The following ABCC3 variants were observed in gnomAD, a reference collection of about 807,000 sequenced individuals.
ABCC3 encodes ATP binding cassette subfamily C member 3.
ABCC3 carries 121 observed loss-of-function variants against 165.3 expected under a neutral mutation model. The ratio of observed to expected loss-of-function variants is 0.73; its 90% CI spans 0.63 to 0.85. ABCC3 has a LOEUF of 0.85. Ranked by LOEUF, ABCC3 falls within the 40% of genes least tolerant of loss-of-function variation. The pLI, the probability that ABCC3 is intolerant of heterozygous loss-of-function variation, is 0.00. For synonymous variants in ABCC3, 733 were observed against 810.1 expected, an observed-to-expected ratio of 0.90 and a Z score of 1.62; for missense variants, 1,869 against 1,964.1, an observed-to-expected ratio of 0.95 and a Z score of 0.92.
At chr17:50,666,341 C>T (rs1291759917) in intron 11 of ABCC3, among the ~76,000 whole-genome samples, 1 of 152,140 alleles carries the variant, frequency 6.6e-6, no homozygotes, top group African/African-American at 2.4e-5. Context: ...CATGGTGGCA[C>T]ATGCCTGTAA....
intron 1 of ABCC3, among the ~76,000 whole-genome samples, chr17:50,644,716 C>CCAAAA (rs1966965401): frequency 7.3e-6 from 1 of 137,818 alleles, no homozygotes; most frequent in Non-Finnish European, 1.6e-5. Context: ...CGTCTCAAAA[C>CCAAAA]CAAAACAAAA....
chr17:50,635,290 G>A, intron 1 of ABCC3: 5 of 622,460 alleles, frequency 8.0e-6, no homozygotes, highest in Non-Finnish European at 1.5e-5. Flanking sequence ...GGGTGAGTCG[G>A]CTCCATCCCA....
chr17:50,662,444 C>T (rs1375487086), intron 8 of ABCC3, among the ~76,000 whole-genome samples: 2 of 151,806 alleles, frequency 1.3e-5, no homozygotes, highest in African/African-American at 4.8e-5. Flanking sequence ...TGAGACCAGC[C>T]TGAGCAACAT....
At chr17:50,675,534 T>G in intron 20 of ABCC3, 58 bp downstream of exon 20, 1 of 1,585,046 alleles carries the variant, frequency 6.3e-7, no homozygotes, top group South Asian at 1.1e-5. Flanking sequence ...CCCCAGGCCC[T>G]GCCAGATGGG....
In ABCC3 at chr17:50,668,846, C is replaced by T. The variant is rs778039074; in HGVS notation, c.1871-7C>T. On this transcript the variant is annotated splice_region_variant and splice_polypyrimidine_tract_variant and intron_variant, in intron 14 of 30. Coordinates refer to ENST00000285238, the MANE Select transcript of ABCC3 (RefSeq NM_003786.4). ...CTCCCTGACCCTGCCCACCTTGGTC[C>T]TCTCAGGCTATGCCATCACCATACA... is the stretch of plus-strand genomic sequence containing the variant. The T allele has an allele frequency of 1.2e-6, 2 of 1,613,714 alleles. No individual in the cohort carries two copies. The highest frequency in any genetic ancestry group is 1.7e-6 in the Non-Finnish European group (2 of 1,179,808).
At chr17:50,673,905 T>TTTCC (rs1967707274) in intron 19 of ABCC3, among the ~76,000 whole-genome samples, 1 of 10,230 alleles carries the variant, frequency 9.8e-5, no homozygotes, top group Non-Finnish European at 1.8e-4. Flanking sequence ...GCCTGTTTTC[T>TTTCC]TTCTTTCTTT....
Position 50,669,406 on chromosome 17 carries a change from G to A in ABCC3, c.2119G>A (p.Glu707Lys), listed in dbSNP as rs531898935. The A allele has an allele frequency of 1.9e-5, 31 of 1,614,252 alleles. No homozygotes were observed. The South Asian group carries it at 3.3e-4, about 17-fold the overall frequency. ...ATGGATCCAGAACTGCACTCTTCAG[G>A]AAAACGTGCTTTTCGGCAAAGCCCT... ...QAWIQNCTLQ[E>K]NVLFGKALNP... The change falls in exon 17 of 31, where the codon GAA (glutamate) becomes AAA (lysine). Residue 707 changes from glutamate (E) to lysine (K), a missense_variant. By Grantham distance (56) the Glu-to-Lys change is moderately conservative (BLOSUM62 1). Transcript: ENST00000285238.
At chr17:50,655,332 G>T (rs1335612161) in intron 1 of ABCC3, among the ~76,000 whole-genome samples, 1 of 148,226 alleles carries the variant, frequency 6.7e-6, no homozygotes, top group Middle Eastern at 3.2e-3. Flanking sequence ...CTTGAACCCG[G>T]GAGGCAGAGG....
At chr17:50,652,859 TA>T (rs978539829) in intron 1 of ABCC3, among the ~76,000 whole-genome samples, 2 of 152,200 alleles carry the variant, frequency 1.3e-5, no homozygotes, top group African/African-American at 4.8e-5. Context: ...ATTGTTCAAA[TA>T]AACTTGGAGA....
At chr17:50,638,099 T>A (rs2054196083) in intron 1 of ABCC3, among the ~76,000 whole-genome samples, 1 of 152,190 alleles carries the variant, frequency 6.6e-6, no homozygotes, top group Non-Finnish European at 1.5e-5. Context: ...GGAGTTTTTG[T>A]GGAAATAAAT....
At chr17:50,688,628 T>C (rs1274981869) in intron 30 of ABCC3, among the ~76,000 whole-genome samples, 1 of 152,168 alleles carries the variant, frequency 6.6e-6, no homozygotes, top group East Asian at 1.9e-4. Context: ...GGCTCACACC[T>C]GTAATCTCAG....
In ABCC3 at chr17:50,673,450, C is replaced by T; in HGVS notation, c.2410-19C>T. 1.9e-6 allele frequency: 3 copies of T among 1,610,568 alleles called. No homozygotes were observed. Among genetic ancestry groups the T allele is most frequent in the Non-Finnish European group, 2.5e-6 (3 of 1,177,788 alleles). On this transcript the variant is annotated intron_variant, in intron 18 of 30. Coordinates refer to ENST00000285238, the MANE Select transcript of ABCC3 (RefSeq NM_003786.4). ...TGCTGGAGGGTGGTAGGGGTGAGAGCCTGCTGCCTTCTCCCCAGACGCGAG... is the reference window on the plus strand; with the variant it reads ...TGCTGGAGGGTGGTAGGGGTGAGAGTCTGCTGCCTTCTCCCCAGACGCGAG...
chr17:50,666,703 G>A (rs1007367701), intron 11 of ABCC3, among the ~76,000 whole-genome samples: 3 of 152,184 alleles, frequency 2.0e-5, no homozygotes, highest in South Asian at 2.1e-4. Context: ...AATTCATCGT[G>A]ACAAATTCTA....
chr17:50,663,857 A>T lies in ABCC3; in HGVS notation c.1175A>T (p.Lys392Met). ...RTGIMGVIYR[K>M]ALVITNSVKR... ...GGGATCATGGGTGTCATCTACAGGA[A>T]GGTCAGCTGGAGCAGGGCCCAGGGG... The change falls in exon 9 of 31, where the codon AAG becomes ATG. Residue 392 changes from lysine (K) to methionine (M), a missense_variant and splice_region_variant. Lys to Met is a moderately conservative substitution (Grantham distance 95, BLOSUM62 -1). Transcript: ENST00000285238. The T allele has an allele frequency of 6.2e-7, 1 of 1,614,168 alleles. No homozygotes were observed. Among genetic ancestry groups the T allele is most frequent in the South Asian group, 1.1e-5 (1 of 91,080 alleles).
Position 50,664,036 on chromosome 17 carries a change from G to A in ABCC3, c.1263G>A (p.Met421Ile). 1.2e-6 allele frequency: 2 copies of A among 1,614,180 alleles called. No homozygotes were observed. The highest frequency in any genetic ancestry group is 1.7e-6 in the Non-Finnish European group (2 of 1,180,036). The change falls in exon 10 of 31, where the codon ATG becomes ATA. Residue 421 changes from methionine (M) to isoleucine (I), a missense_variant. By Grantham distance (10) the Met-to-Ile change is conservative (BLOSUM62 1). Coordinates refer to ENST00000285238, the MANE Select transcript of ABCC3 (RefSeq NM_003786.4). The stretch of plus-strand genomic sequence containing the variant: ...TGTCAGTGGATGCCCAGCGCTTCAT[G>A]GACCTTGCCCCCTTCCTCAATCTGC... ...NLMSVDAQRF[M>I]DLAPFLNLLW...
Position 50,659,254 on chromosome 17 carries a change from ACCGGCATCC to A in ABCC3, c.695_703del (p.Arg232_Pro234del). On this transcript the variant is annotated inframe_deletion, in exon 7 of 31. Coordinates refer to ENST00000285238, the MANE Select transcript of ABCC3 (RefSeq NM_003786.4). Reference sequence around the variant, plus strand: ...CCCCCCAGGATGGCCATCTATGGCTACCGGCATCCCCTGGAGGAGAAGGACCTCTGGTCC... The same window carrying A: ...CCCCCCAGGATGGCCATCTATGGCTACCTGGAGGAGAAGGACCTCTGGTCC... 1 of 1,613,810 alleles carries A rather than the reference ACCGGCATCC, an allele frequency of 6.2e-7. No homozygotes were observed. The highest frequency in any genetic ancestry group is 8.5e-7 in the Non-Finnish European group (1 of 1,179,822).
chr17:50,673,461 C>G lies in ABCC3; in HGVS notation c.2410-8C>G, dbSNP rs1440282908. On this transcript the variant is annotated splice_region_variant and splice_polypyrimidine_tract_variant and intron_variant, in intron 18 of 30. Transcript: ENST00000285238. Reference sequence around the variant, plus strand: ...GGTAGGGGTGAGAGCCTGCTGCCTTCTCCCCAGACGCGAGTGCTGGTGACG... The same window carrying G: ...GGTAGGGGTGAGAGCCTGCTGCCTTGTCCCCAGACGCGAGTGCTGGTGACG... 1.2e-6 allele frequency: 2 copies of G among 1,612,548 alleles called. No homozygotes were observed. The highest frequency in any genetic ancestry group is 1.7e-6 in the Non-Finnish European group (2 of 1,179,014).
chr17:50,668,310 G>C (rs892603228), intron 13 of ABCC3, 120 bp from the exon 14 acceptor site: 1 of 810,372 alleles, frequency 1.2e-6, no homozygotes, highest in Non-Finnish European at 2.0e-6. Context: ...AGGGACCCCA[G>C]TGCTAGTGTC....
At chr17:50,654,001 T>C (rs1967170965) in intron 1 of ABCC3, among the ~76,000 whole-genome samples, 1 of 152,218 alleles carries the variant, frequency 6.6e-6, no homozygotes, top group Non-Finnish European at 1.5e-5. Flanking sequence ...TTTGTTTACA[T>C]ATTAAGTTGG....
Sources: allele counts gnomAD v4.1 joint callset (sites outside exome capture counted in the v4.1 genomes callset), GRCh38; gene constraint gnomAD v4.1.1; transcripts MANE v1.5; gene names NCBI Gene and HGNC (gene_info 2026-07-23, HGNC 2026-07-21).